The following C1orf21 variants were observed in gnomAD, a reference collection of about 807,000 sequenced individuals.
C1orf21 encodes chromosome 1 open reading frame 21, also known as uncharacterized protein C1orf21.
In C1orf21, 3 loss-of-function variants were observed where a neutral mutation model predicts 18.7. The observed-to-expected ratio is 0.16, with a 90% confidence interval of 0.07 to 0.42. The LOEUF is 0.42. C1orf21 is among the 10% of genes least tolerant of loss of function. The pLI, the probability that C1orf21 is intolerant of heterozygous loss-of-function variation, is 0.99. For synonymous variants in C1orf21, 41 were observed against 46.4 expected (o/e 0.88, Z 0.47); for missense variants, 104 against 143.6 (o/e 0.72, Z 1.41).
intron 1 of C1orf21, among the ~76,000 whole-genome samples, chr1:184,443,669 A>G (rs1656986271): frequency 6.6e-6 from 1 of 152,144 alleles, no homozygotes; most frequent in African/African-American, 2.4e-5. Context: ...TTATTTCTCT[A>G]GGATTCACAT....
intron 1 of C1orf21, among the ~76,000 whole-genome samples, chr1:184,443,670 G>A (rs771845968): frequency 1.1e-4 from 16 of 152,120 alleles, no homozygotes; most frequent in Admixed American, 2.0e-4. Context: ...TATTTCTCTA[G>A]GATTCACATC....
chr1:184,429,020 C>G (rs1571353458), intron 1 of C1orf21, among the ~76,000 whole-genome samples: 1 of 152,158 alleles, frequency 6.6e-6, no homozygotes, highest in East Asian at 1.9e-4. Context: ...CTCCATCCCC[C>G]AACCCAGTCC....
chr1:184,612,237 A>AT (rs1261321051), intron 5 of C1orf21, among the ~76,000 whole-genome samples: 1 of 152,240 alleles, frequency 6.6e-6, no homozygotes, highest in Non-Finnish European at 1.5e-5. Flanking sequence ...TATCACAAGC[A>AT]TAACAGCTTA....
rs562013259 is a variant in C1orf21 at position 184,456,097 on chromosome 1, A to G, written c.-124-21289A>G. Among the ~76,000 whole-genome samples, 40 of 152,298 alleles carry G rather than the reference A, an allele frequency of 2.6e-4. 1 individual carries two copies. Among genetic ancestry groups the G allele is most frequent in the African/African-American group, 9.1e-4 (38 of 41,562 alleles). On this transcript the variant is annotated intron_variant, in intron 1 of 5. Transcript: ENST00000235307. Reference sequence around the variant, plus strand: ...GTTAAAGCAGCCTTCCTTGGGATGTAGCAAGCTATATTAATCAAATCACTG... The same window carrying G: ...GTTAAAGCAGCCTTCCTTGGGATGTGGCAAGCTATATTAATCAAATCACTG...
chr1:184,595,865 C>G (rs954628505), intron 4 of C1orf21, among the ~76,000 whole-genome samples: 3 of 152,102 alleles, frequency 2.0e-5, no homozygotes, highest in Admixed American at 1.3e-4. Flanking sequence ...GACTCTTCTT[C>G]GTGGGTTATG....
intron 3 of C1orf21, among the ~76,000 whole-genome samples, chr1:184,528,553 T>A (rs1658411464): frequency 6.6e-6 from 1 of 152,162 alleles, no homozygotes; most frequent in Non-Finnish European, 1.5e-5. Context: ...CCAGCAATTC[T>A]CCTGTCTCAG....
At chr1:184,527,119 A>G (rs1658389095) in intron 3 of C1orf21, among the ~76,000 whole-genome samples, 1 of 152,220 alleles carries the variant, frequency 6.6e-6, no homozygotes, top group African/African-American at 2.4e-5. Context: ...TGTGAAAAAC[A>G]GTATCGAGAA....
intron 3 of C1orf21, among the ~76,000 whole-genome samples, chr1:184,560,704 G>C (rs557245961): frequency 6.6e-6 from 1 of 152,206 alleles, no homozygotes; most frequent in East Asian, 1.9e-4. Flanking sequence ...AAGTCTGGAG[G>C]CCCCAAGAGC....
chr1:184,534,549 C>T (rs1291579404), intron 3 of C1orf21, among the ~76,000 whole-genome samples: 1 of 152,094 alleles, frequency 6.6e-6, no homozygotes, highest in Non-Finnish European at 1.5e-5. Flanking sequence ...ATTTCTTTTA[C>T]ACATTTGGTT....
At chr1:184,612,103 T>A (rs1659744880) in intron 5 of C1orf21, among the ~76,000 whole-genome samples, 2 of 152,200 alleles carry the variant, frequency 1.3e-5, no homozygotes, top group South Asian at 4.1e-4. Flanking sequence ...AAATATAGTT[T>A]AGTGATAATG....
intron 1 of C1orf21, among the ~76,000 whole-genome samples, chr1:184,458,613 A>T (rs1657256006): frequency 6.6e-6 from 1 of 152,220 alleles, no homozygotes; most frequent in African/African-American, 2.4e-5. Flanking sequence ...TCAACTTAAC[A>T]TTCTTCATTC....
At chr1:184,423,017 C>T (rs781522348) in intron 1 of C1orf21, among the ~76,000 whole-genome samples, 2 of 152,196 alleles carry the variant, frequency 1.3e-5, no homozygotes, top group Non-Finnish European at 2.9e-5. Context: ...GGCATTATGT[C>T]TTGTGTAAAC....
intron 1 of C1orf21, among the ~76,000 whole-genome samples, chr1:184,473,087 G>A (rs1657518441): frequency 6.6e-6 from 1 of 152,192 alleles, no homozygotes; most frequent in Non-Finnish European, 1.5e-5. Flanking sequence ...ACCATTTGGG[G>A]AGGGGTTTAC....
At chr1:184,510,321 A>G (rs1237744353) in intron 3 of C1orf21, among the ~76,000 whole-genome samples, 1 of 152,218 alleles carries the variant, frequency 6.6e-6, no homozygotes, top group Admixed American at 6.5e-5. Context: ...CCTTTGCACT[A>G]GACTGCAGAG....
intron 1 of C1orf21, among the ~76,000 whole-genome samples, chr1:184,450,349 T>A (rs773372174): frequency 2.4e-4 from 36 of 152,024 alleles, no homozygotes; most frequent in Non-Finnish European, 4.6e-4. Flanking sequence ...CTCGCCCCAA[T>A]CAGAGGCACC....
chr1:184,485,626 C>A (rs1339696990), intron 2 of C1orf21, among the ~76,000 whole-genome samples: 1 of 151,554 alleles, frequency 6.6e-6, no homozygotes, highest in African/African-American at 2.4e-5. Flanking sequence ...TGTGTACACT[C>A]AGCCTTTTGT....
chr1:184,408,828 C>T (rs1051127053), intron 1 of C1orf21, among the ~76,000 whole-genome samples: 2 of 152,140 alleles, frequency 1.3e-5, no homozygotes, highest in African/African-American at 2.4e-5. Flanking sequence ...CAGGTTTCAC[C>T]GCCTTTTCTC....
chr1:184,524,810 G>T (rs1333209528), intron 3 of C1orf21, among the ~76,000 whole-genome samples: 4 of 152,086 alleles, frequency 2.6e-5, no homozygotes, highest in Non-Finnish European at 5.9e-5. Context: ...ACATCAAAAT[G>T]TATACGGTTT....
At chr1:184,545,383 T>G (rs575122975) in intron 3 of C1orf21, among the ~76,000 whole-genome samples, 47 of 152,360 alleles carry the variant, frequency 3.1e-4, no homozygotes, top group African/African-American at 1.1e-3. Flanking sequence ...TTGATATATT[T>G]TAGATAAATT....
Sources: gnomAD v4.1 joint callset for allele counts (sites outside exome capture counted in the v4.1 genomes callset) on GRCh38, gnomAD v4.1.1 for gene constraint, MANE v1.5 for transcripts, NCBI Gene and HGNC (gene_info 2026-07-23, HGNC 2026-07-21) for gene names.